The following FARP1 variants were observed in gnomAD, a reference collection of about 807,000 sequenced individuals.
FARP1 encodes FERM, ARH/RhoGEF and pleckstrin domain protein 1, also known as FERM, ARHGEF and pleckstrin domain-containing protein 1.
In FARP1, 52 loss-of-function variants were observed where a neutral mutation model predicts 128.8. The ratio of observed to expected loss-of-function variants is 0.40; its 90% CI spans 0.32 to 0.51. FARP1 has a LOEUF of 0.51. Ranked by LOEUF, FARP1 falls within the 20% of genes least tolerant of loss-of-function variation. The pLI, the probability that FARP1 is intolerant of heterozygous loss-of-function variation, is 0.45. For synonymous variants in FARP1, 580 were observed against 551.8 expected (o/e 1.05, Z -0.72); for missense variants, 1,333 against 1,367.9 (o/e 0.97, Z 0.40).
At chr13:98,295,312 C>A (rs1460303464) in intron 2 of FARP1, among the ~76,000 whole-genome samples, 1 of 152,066 alleles carries the variant, frequency 6.6e-6, no homozygotes, top group Non-Finnish European at 1.5e-5. Flanking sequence ...GGAGTCATGG[C>A]AGCAGAGGGA....
At chr13:98,407,357 T>C (rs968440278) in intron 13 of FARP1, 5 of 129,946 alleles carry the variant, frequency 3.8e-5, no homozygotes, top group African/African-American at 1.4e-4. Context: ...TTTTTTTTTT[T>C]AAATAATAGT....
intron 19 of FARP1, among the ~76,000 whole-genome samples, chr13:98,437,423 A>G (rs1282483405): frequency 1.3e-5 from 2 of 151,882 alleles, no homozygotes; most frequent in African/African-American, 4.9e-5. Context: ...TTATAGATAA[A>G]GAAAGGCAGG....
At chr13:98,291,527 C>T (rs761286960) in intron 2 of FARP1, among the ~76,000 whole-genome samples, 7 of 152,172 alleles carry the variant, frequency 4.6e-5, no homozygotes, top group African/African-American at 1.7e-4. Flanking sequence ...TAAAATCATT[C>T]GTTCAGCAGA....
chr13:98,379,154 A>ATATAATC (rs1889770396), intron 6 of FARP1, among the ~76,000 whole-genome samples: 2 of 67,028 alleles, frequency 3.0e-5, no homozygotes, highest in African/African-American at 4.3e-4. Flanking sequence ...TATATATAAT[A>ATATAATC]TATATATAAT....
At chr13:98,318,292 T>TG (rs886290405) in intron 2 of FARP1, among the ~76,000 whole-genome samples, 1 of 152,018 alleles carries the variant, frequency 6.6e-6, no homozygotes, top group African/African-American at 2.4e-5. Flanking sequence ...CTCCTGAGCT[T>TG]GCAACCTGCA....
intron 2 of FARP1, among the ~76,000 whole-genome samples, chr13:98,285,810 A>G (rs1384955803): frequency 6.6e-6 from 1 of 152,202 alleles, no homozygotes; most frequent in African/African-American, 2.4e-5. Flanking sequence ...CTTTTCAACC[A>G]TCGTTTGGGA....
rs565439831 is a variant in FARP1 at position 98,408,475 on chromosome 13, C to T, written c.1415-863C>T. Among the ~76,000 whole-genome samples, 776 of 127,380 alleles carry T rather than the reference C, an allele frequency of 6.1e-3. 6 individuals carry two copies. Among genetic ancestry groups the T allele is most frequent in the African/African-American group, 0.02 (738 of 36,604 alleles). The allele number at this position is 127,380 out of a possible 152,430, so 83.6% of individuals were successfully genotyped here. A position where few individuals can be genotyped will look rare whatever the true frequency, so the allele number is the denominator to read the frequency against. On this transcript the variant is annotated intron_variant, in intron 13 of 26. Coordinates refer to ENST00000319562, the MANE Select transcript of FARP1 (RefSeq NM_005766.4). Reference sequence around the variant, plus strand: ...CCAAGTAGCTGGGATTGCAGGCACCCGCCACCATGCCCAGCTAATGTTTTT... The same window carrying T: ...CCAAGTAGCTGGGATTGCAGGCACCTGCCACCATGCCCAGCTAATGTTTTT...
intron 2 of FARP1, among the ~76,000 whole-genome samples, chr13:98,240,003 T>C (rs1458067572): frequency 6.6e-6 from 1 of 152,086 alleles, no homozygotes; most frequent in African/African-American, 2.4e-5. Context: ...GCAGGTGATA[T>C]CCGTGGTGAT....
At chr13:98,192,128 C>G (rs896779909) in intron 1 of FARP1, among the ~76,000 whole-genome samples, 8 of 152,048 alleles carry the variant, frequency 5.3e-5, no homozygotes, top group Admixed American at 1.3e-4. Flanking sequence ...CAAATTGAGT[C>G]CTCTGCATTT....
chr13:98,393,180 G>T lies in FARP1; in HGVS notation c.1089-463G>T, dbSNP rs575696561. On this transcript the variant is annotated intron_variant, in intron 11 of 26. Coordinates refer to ENST00000319562, the MANE Select transcript of FARP1 (RefSeq NM_005766.4). ...GCAGGCCTTTTCCTCTGAACTTACC[G>T]CTTTGATAGAGTGAGCGGATGAGTG... Among the ~76,000 whole-genome samples the T allele has an allele frequency of 8.8e-4, 134 of 152,172 alleles. 1 individual carries two copies. Among genetic ancestry groups the T allele is most frequent in the Non-Finnish European group, 4.1e-4 (28 of 68,034 alleles).
In FARP1 at chr13:98,160,732, C is replaced by T. The variant is rs544243222; in HGVS notation, c.-24+17240C>T. ...AGGCTAGAGTGCAGTGGTGCCATCT[C>T]GGCTCACTGCAACCTCCACTTCCCG... On this transcript the variant is annotated intron_variant, in intron 1 of 26. Transcript: ENST00000319562. Among the ~76,000 whole-genome samples, 175 of 152,194 alleles carry T rather than the reference C, an allele frequency of 1.1e-3. 1 individual carries two copies. The highest frequency in any genetic ancestry group is 2.0e-3 in the Non-Finnish European group (133 of 67,994).
At chr13:98,385,417 CA>C (rs11479917) in intron 7 of FARP1, among the ~76,000 whole-genome samples, 35,703 of 151,256 alleles carry the variant, frequency 0.24, 4,715 homozygotes, top group African/African-American at 0.36. Flanking sequence ...CCAAAAAAAA[CA>C]AAAAAAACAA....
chr13:98,280,982 T>C (rs1884909009), intron 2 of FARP1, among the ~76,000 whole-genome samples: 2 of 152,234 alleles, frequency 1.3e-5, no homozygotes, highest in African/African-American at 4.8e-5. Context: ...TACTACTTAA[T>C]GCAATTAAAA....
chr13:98,403,214 G>C (rs1327485567), intron 13 of FARP1: 1 of 152,176 alleles, frequency 6.6e-6, no homozygotes, highest in African/African-American at 2.4e-5. Context: ...GATCGTCCTG[G>C]GTGATGCCAT....
chr13:98,385,997 A>G, intron 8 of FARP1, 183 bp downstream of exon 8: 1 of 609,790 alleles, frequency 1.6e-6, no homozygotes, highest in South Asian at 2.1e-5. Flanking sequence ...ATTCTATTTC[A>G]CTTACCTTTG....
chr13:98,186,015 C>T (rs1878842942), intron 1 of FARP1, among the ~76,000 whole-genome samples: 1 of 151,958 alleles, frequency 6.6e-6, no homozygotes, highest in Admixed American at 6.5e-5. Context: ...CTGTTTTGAT[C>T]ATTTTCAAGC....
chr13:98,336,761 A>G (rs1887762152), intron 2 of FARP1, among the ~76,000 whole-genome samples: 1 of 152,224 alleles, frequency 6.6e-6, no homozygotes, highest in Non-Finnish European at 1.5e-5. Flanking sequence ...AGGATGGAGA[A>G]GGCAACAGGG....
intron 1 of FARP1, among the ~76,000 whole-genome samples, chr13:98,200,890 C>T (rs1261995887): frequency 2.6e-5 from 4 of 151,984 alleles, no homozygotes; most frequent in Non-Finnish European, 5.9e-5. Flanking sequence ...TTATTTTTCT[C>T]TCCCAGTCTT....
At chr13:98,443,353 C>T (rs1315887759) in intron 24 of FARP1, among the ~76,000 whole-genome samples, 4 of 152,220 alleles carry the variant, frequency 2.6e-5, no homozygotes, top group African/African-American at 9.6e-5. Context: ...GCAGATGTCC[C>T]TCCTTGCCAG....
Sources: gnomAD v4.1 joint callset for allele counts (sites outside exome capture counted in the v4.1 genomes callset) on GRCh38, gnomAD v4.1.1 for gene constraint, MANE v1.5 for transcripts, NCBI Gene and HGNC (gene_info 2026-07-23, HGNC 2026-07-21) for gene names.